CROCC: variants seen among roughly 807,000 people sequenced by gnomAD.
The protein encoded by CROCC is rootletin.
Under a neutral mutation model 245.2 loss-of-function variants are expected in CROCC, and 180 were observed. That is an observed-to-expected ratio of 0.73 (90% CI 0.65 to 0.83). The LOEUF is 0.83. CROCC is among the 40% of genes least tolerant of loss of function. The pLI is 0.00. For synonymous variants in CROCC, 1,205 were observed against 1,241.6 expected, an observed-to-expected ratio of 0.97 and a Z score of 0.62; for missense variants, 2,688 against 2,779.4, an observed-to-expected ratio of 0.97 and a Z score of 0.74.
At chr1:16,962,579 GGTC>G (rs2100533260) in intron 27 of CROCC, among the ~76,000 whole-genome samples, 1 of 146,192 alleles carries the variant, frequency 6.8e-6, no homozygotes, top group East Asian at 2.1e-4. Context: ...TCAGCATGTT[GGTC>G]AGGCTAGTCT....
chr1:16,960,684 C>A, intron 26 of CROCC, 74 bp from the exon 27 acceptor site: 2 of 1,384,046 alleles, frequency 1.4e-6, no homozygotes, highest in Non-Finnish European at 1.9e-6. Flanking sequence ...TGGTGGGCTC[C>A]AGTCTGGGCC....
chr1:16,968,098 C>T lies in CROCC; in HGVS notation c.4861-105C>T. The T allele has an allele frequency of 9.3e-6, 11 of 1,181,324 alleles. 1 individual carries two copies. The highest frequency in any genetic ancestry group is 1.3e-5 in the Non-Finnish European group (11 of 818,298). The allele number at this position is 1,181,324 out of a possible 1,614,324, so 73.2% of individuals were successfully genotyped here. ...GGCCGGCCCCAGGTCACGTAGGTCA[C>T]CCTTCGAGGCTGCTCCCCACTTTCC... On this transcript the variant is annotated intron_variant, in intron 30 of 36. Transcript: ENST00000375541.
At position 16,941,731 on chromosome 1, in the gene CROCC, C is replaced by CA. The variant is rs35924979; in HGVS notation, c.1808+1654dup. Among the ~76,000 whole-genome samples, 270 of 132,334 alleles carry CA rather than the reference C, an allele frequency of 2.0e-3. 1 individual carries two copies. Among genetic ancestry groups the CA allele is most frequent in the South Asian group, 6.9e-3 (28 of 4,060 alleles). The allele number at this position is 132,334 out of a possible 152,430, so 86.8% of individuals were successfully genotyped here. On this transcript the variant is annotated intron_variant, in intron 13 of 36. Transcript: ENST00000375541. The stretch of plus-strand genomic sequence containing the variant: ...TGAGCGACAGAGCAAGACTCCGTCT[C>CA]AAAAAAAAAAAAAAAAGAAAAAATT...
Position 16,966,360 on chromosome 1 carries a change from C to G in CROCC, c.4697-48C>G, listed in dbSNP as rs1028937709. On this transcript the variant is annotated intron_variant, in intron 29 of 36. Coordinates refer to ENST00000375541, the MANE Select transcript of CROCC (RefSeq NM_014675.5). This position sits in a 1 kb window ranked among gnomAD's most constrained non-coding sequence, Gnocchi z 4.8. Reference sequence around the variant, plus strand: ...GGACATTTTGTGACCTGGTTTGGGTCTCGGGGCTGTGCTTGGCCATGCCTG... The same window carrying G: ...GGACATTTTGTGACCTGGTTTGGGTGTCGGGGCTGTGCTTGGCCATGCCTG... The G allele has an allele frequency of 8.1e-6, 12 of 1,481,024 alleles. No individual in the cohort carries two copies. The highest frequency in any genetic ancestry group is 7.0e-5 in the African/African-American group (5 of 71,546). The allele number at this position is 1,481,024 out of a possible 1,614,324, so 91.7% of individuals were successfully genotyped here.
At chr1:16,914,123 C>G (rs2075279553) in intron 1 of CROCC, among the ~76,000 whole-genome samples, 1 of 151,156 alleles carries the variant, frequency 6.6e-6, no homozygotes, top group South Asian at 2.1e-4. Flanking sequence ...GCGGCTGCGG[C>G]GAAGGCGCGC....
At chr1:16,933,844 C>A (rs1164567378) in intron 8 of CROCC, among the ~76,000 whole-genome samples, 1 of 152,306 alleles carries the variant, frequency 6.6e-6, no homozygotes, top group African/African-American at 2.4e-5. Flanking sequence ...CAGGCCCAAG[C>A]CACTGTGCCC....
In CROCC at chr1:16,956,075, C is replaced by T. The variant is rs776760575; in HGVS notation, c.3783C>T (p.Ala1261=). Residue 1261 remains alanine, a synonymous_variant, in exon 25 of 37, where the codon GCC becomes GCT. Transcript: ENST00000375541. ...EEARTAVGKE[A]GELRTGLQEV... ...CACGGACAGCTGTGGGCAAGGAGGC[C>T]GGGGAGCTGCGAACTGGGCTGCAGG... 3.2e-5 allele frequency: 50 copies of T among 1,550,832 alleles called. 1 individual carries two copies. The Middle Eastern group carries it at 5.0e-4, about 16-fold the overall frequency.
intron 27 of CROCC, among the ~76,000 whole-genome samples, chr1:16,962,534 CAAAA>C (rs1197806001): frequency 3.2e-4 from 7 of 21,886 alleles, no homozygotes; most frequent in African/African-American, 6.5e-4. Context: ...GACTCCGTCT[CAAAA>C]AAAAAAAAAA....
At position 16,955,442 on chromosome 1, in the gene CROCC, G is replaced by A. The variant is rs760810990; in HGVS notation, c.3596G>A (p.Gly1199Asp). ...CGGGAGGTGCAGCGCCAGGAGGCAG[G>A]CGAGCTGCGACGCAGCCTGGGCGAG... Reference protein sequence around the residue: ...EGREVQRQEAGELRRSLGEGA... With the variant: ...EGREVQRQEADELRRSLGEGA... Residue 1199 changes from glycine (G) to aspartate (D), a missense_variant, in exon 24 of 37, where the codon GGC becomes GAC. By Grantham distance (94) the Gly-to-Asp change is moderately conservative. Coordinates refer to ENST00000375541, the MANE Select transcript of CROCC (RefSeq NM_014675.5). 10 of 1,596,820 alleles carry A rather than the reference G, an allele frequency of 6.3e-6. No individual in the cohort carries two copies. Among genetic ancestry groups the A allele is most frequent in the Non-Finnish European group, 7.7e-6 (9 of 1,174,852 alleles).
At chr1:16,946,623 C>A (rs1481386972) in intron 16 of CROCC, 138 bp from the exon 17 acceptor site, 48 of 1,106,560 alleles carry the variant, frequency 4.3e-5, no homozygotes, top group Non-Finnish European at 5.6e-5. Flanking sequence ...CCCCAGTGTC[C>A]CATACACCCA....
In CROCC at chr1:16,972,882, T is replaced by C. The variant is rs2076546720; in HGVS notation, c.*436T>C. 1 of 156,150 alleles carries C rather than the reference T, an allele frequency of 6.4e-6. No homozygotes were observed. The highest frequency in any genetic ancestry group is 2.0e-4 in the South Asian group (1 of 4,922). 9.7% of individuals were successfully genotyped at this position (156,150 alleles called of 1,614,324 possible). ...TGTGTCGGGAAATTCCTCAGAGTGCTCAGAGTCCCTGTATTTTTATACCTT... is the reference window on the plus strand; with the variant it reads ...TGTGTCGGGAAATTCCTCAGAGTGCCCAGAGTCCCTGTATTTTTATACCTT... On this transcript the variant is annotated 3_prime_UTR_variant, in exon 37 of 37. Coordinates refer to ENST00000375541, the MANE Select transcript of CROCC (RefSeq NM_014675.5).
intron 8 of CROCC, among the ~76,000 whole-genome samples, chr1:16,935,169 G>A (rs1201597249): frequency 2.0e-5 from 3 of 152,242 alleles, no homozygotes; most frequent in African/African-American, 7.2e-5. Flanking sequence ...CAAAGTGCTG[G>A]GATTACAGGC....
Position 16,930,486 on chromosome 1 carries a change from C to A in CROCC, c.741C>A (p.Gly247=). 1 of 1,612,474 alleles carries A rather than the reference C, an allele frequency of 6.2e-7. No individual in the cohort carries two copies. The highest frequency in any genetic ancestry group is 8.5e-7 in the Non-Finnish European group (1 of 1,179,856). ...TCCGAGAACAGCTGGACCAGGCAGG[C>A]TCGGCCAACCAGGCTCTGAGTGAGG... ...AMLREQLDQA[G]SANQALSEDI... is the part of the protein sequence containing the mutation. The change falls in exon 7 of 37, where the codon GGC becomes GGA. Residue 247 remains glycine, a synonymous_variant. Coordinates refer to ENST00000375541, the MANE Select transcript of CROCC (RefSeq NM_014675.5).
chr1:16,947,947 G>A (rs1470294651), intron 17 of CROCC, among the ~76,000 whole-genome samples: 13 of 152,304 alleles, frequency 8.5e-5, no homozygotes, highest in Admixed American at 2.6e-4. Flanking sequence ...TAAGCTGTTC[G>A]CCTGCCTCAG....
At chr1:16,926,842 C>G (rs2075545647) in intron 3 of CROCC, among the ~76,000 whole-genome samples, 1 of 152,284 alleles carries the variant, frequency 6.6e-6, no homozygotes. Flanking sequence ...CTAGGGGAGA[C>G]AGTCAACTTC....
chr1:16,972,490 G>A lies in CROCC; in HGVS notation c.*44G>A, dbSNP rs762945594. The A allele has an allele frequency of 4.8e-5, 70 of 1,458,440 alleles. No homozygotes were observed. The highest frequency in any genetic ancestry group is 5.7e-5 in the Non-Finnish European group (61 of 1,067,412). 90.3% of individuals were successfully genotyped at this position (1,458,440 alleles called of 1,614,324 possible). A position where few individuals can be genotyped will look rare whatever the true frequency, so the allele number is the denominator to read the frequency against. The stretch of plus-strand genomic sequence containing the variant: ...AGAACACCCCTGTGCCTGGGACAGG[G>A]GAGGACCCTTCTTTTGGACAGCCCC... On this transcript the variant is annotated 3_prime_UTR_variant, in exon 37 of 37. Transcript: ENST00000375541.
At chr1:16,948,547 A>G (rs527783878) in intron 18 of CROCC, 23 bp downstream of exon 18, 19 of 1,509,990 alleles carry the variant, frequency 1.3e-5, no homozygotes, top group Middle Eastern at 2.4e-4. Flanking sequence ...GCTCTGCCCA[A>G]CCCGCCCTGG....
intron 30 of CROCC, among the ~76,000 whole-genome samples, chr1:16,967,771 C>G (rs1042323864): frequency 6.6e-6 from 1 of 152,106 alleles, no homozygotes; most frequent in Non-Finnish European, 1.5e-5. Flanking sequence ...AACAGCAGGG[C>G]CCCCTCAGAA....
At chr1:16,921,609 G>A (rs137860185), upstream of CROCC, among the ~76,000 whole-genome samples, 9 of 152,406 alleles carry the variant, frequency 5.9e-5, no homozygotes, top group Non-Finnish European at 1.0e-4. Flanking sequence ...CTTTCCCGCC[G>A]CATGGCTACT....
Sources: allele counts gnomAD v4.1 joint callset (sites outside exome capture counted in the v4.1 genomes callset), GRCh38; gene constraint gnomAD v4.1.1; non-coding constraint Gnocchi (gnomAD v3.1); transcripts MANE v1.5; gene names NCBI Gene and HGNC (gene_info 2026-07-23, HGNC 2026-07-21).